The following SLC36A1 variants were observed in gnomAD, a reference collection of about 807,000 sequenced individuals.
SLC36A1 encodes the protein solute carrier family 36 member 1, also known as proton-coupled amino acid transporter 1.
SLC36A1 carries 30 observed loss-of-function variants against 47.5 expected under a neutral mutation model. That is an observed-to-expected ratio of 0.63 (90% CI 0.47 to 0.86). The LOEUF (loss-of-function observed/expected upper bound fraction) is 0.86, where lower values mean the gene tolerates loss of function less well. Among genes scored for constraint, SLC36A1 ranks in the 40% least tolerant of loss-of-function variants. The pLI is 0.00. For synonymous variants in SLC36A1, 255 were observed against 249.7 expected (o/e 1.02, Z -0.20); for missense variants, 517 against 606.0 (o/e 0.85, Z 1.54).
intron 7 of SLC36A1, among the ~76,000 whole-genome samples, chr5:151,468,563 A>G (rs1182442179): frequency 6.6e-6 from 1 of 150,952 alleles, no homozygotes; most frequent in Non-Finnish European, 1.5e-5. Flanking sequence ...ATTCTTTGCT[A>G]TGGGGCTGTC....
At chr5:151,550,597 G>A in the SLC36A1 span, 1 of 1,614,084 alleles carries the variant, frequency 6.2e-7, no homozygotes, top group Non-Finnish European at 8.5e-7. Context: ...CACCATGACT[G>A]TCAGTGTGTG....
chr5:151,553,753 A>C, the SLC36A1 span, among the ~76,000 whole-genome samples: 1 of 152,224 alleles, frequency 6.6e-6, no homozygotes, highest in African/African-American at 2.4e-5. Flanking sequence ...TTGAGCACTC[A>C]CTATTATCAG....
the SLC36A1 span, among the ~76,000 whole-genome samples, chr5:151,383,015 C>T: frequency 3.3e-5 from 5 of 152,164 alleles, no homozygotes; most frequent in South Asian, 6.2e-4. Flanking sequence ...CCACCCACCT[C>T]GGCCTCCCAA....
chr5:151,408,658 A>G, the SLC36A1 span, among the ~76,000 whole-genome samples: 1 of 152,214 alleles, frequency 6.6e-6, no homozygotes, highest in Non-Finnish European at 1.5e-5. Context: ...AAGCATGGAA[A>G]TGCACCTTGA....
At chr5:151,554,791 A>G in the SLC36A1 span, 20 of 799,716 alleles carry the variant, frequency 2.5e-5, no homozygotes, top group Non-Finnish European at 3.3e-5. Flanking sequence ...ACTTTTTATT[A>G]TCATAACTTC....
the SLC36A1 span, among the ~76,000 whole-genome samples, chr5:151,537,013 C>T: frequency 6.6e-6 from 1 of 152,180 alleles, no homozygotes; most frequent in Non-Finnish European, 1.5e-5. Context: ...CTCTCTTACC[C>T]CTGGCTAACA....
At chr5:151,444,590 A>G (rs1481424323), upstream of SLC36A1, among the ~76,000 whole-genome samples, 1 of 152,118 alleles carries the variant, frequency 6.6e-6, no homozygotes, top group Non-Finnish European at 1.5e-5. Flanking sequence ...GGTTCAAACA[A>G]TTCTCCTGCC....
At chr5:151,546,235 T>G in the SLC36A1 span, 1 of 1,614,116 alleles carries the variant, frequency 6.2e-7, no homozygotes, top group African/African-American at 1.3e-5. Context: ...ATCTTCTGCC[T>G]TCACTGTCAG....
chr5:151,444,209 G>A (rs540656540), upstream of SLC36A1, among the ~76,000 whole-genome samples: 6 of 152,232 alleles, frequency 3.9e-5, no homozygotes, highest in South Asian at 2.1e-4. Flanking sequence ...AAAGAATGCC[G>A]TTGGGATTTT....
intron 7 of SLC36A1, among the ~76,000 whole-genome samples, chr5:151,469,825 T>G (rs915409871): frequency 7.9e-5 from 12 of 151,620 alleles, no homozygotes; most frequent in African/African-American, 2.4e-5. Context: ...TATATTAGTA[T>G]TATTTTGGTC....
the SLC36A1 span, among the ~76,000 whole-genome samples, chr5:151,547,826 G>A: frequency 6.6e-6 from 1 of 152,114 alleles, no homozygotes; most frequent in Admixed American, 6.6e-5. Flanking sequence ...AATATGCATA[G>A]GGGAAGATAA....
At chr5:151,436,642 G>A (rs746973431), upstream of SLC36A1, among the ~76,000 whole-genome samples, 1 of 151,976 alleles carries the variant, frequency 6.6e-6, no homozygotes, top group South Asian at 2.1e-4. Context: ...AGTTTCCAAT[G>A]AGTAAAATGA....
At chr5:151,433,241 TATATATATATATATATATATATA>T (rs1561704736), upstream of SLC36A1, among the ~76,000 whole-genome samples, 3 of 11,162 alleles carry the variant, frequency 2.7e-4, no homozygotes, top group Non-Finnish European at 4.3e-4. Flanking sequence ...TATATATATA[TATATATATATATATATATATATA>T]TATTTTTTTT....
the SLC36A1 span, among the ~76,000 whole-genome samples, chr5:151,413,951 C>T: frequency 6.6e-6 from 1 of 151,958 alleles, no homozygotes; most frequent in African/African-American, 2.4e-5. Context: ...TTGTGGCCTG[C>T]CTTAAGTGGC....
the SLC36A1 span, chr5:151,554,253 G>T: frequency 1.0e-6 from 1 of 1,004,002 alleles, no homozygotes; most frequent in Non-Finnish European, 1.5e-6. Context: ...AGGAAGGAGA[G>T]TACCATTTCC....
chr5:151,520,891 T>C, the SLC36A1 span, among the ~76,000 whole-genome samples: 1 of 152,202 alleles, frequency 6.6e-6, no homozygotes, highest in African/African-American at 2.4e-5. Flanking sequence ...ACTTGATACA[T>C]AGTACTGATG....
chr5:151,544,133 A>T, the SLC36A1 span: 5 of 1,614,062 alleles, frequency 3.1e-6, no homozygotes, highest in Non-Finnish European at 4.2e-6. Context: ...TGAACTGTGG[A>T]CATCTCCCCT....
the SLC36A1 span, chr5:151,505,440 C>T: frequency 8.5e-7 from 1 of 1,177,480 alleles, no homozygotes; most frequent in Non-Finnish European, 1.2e-6. Flanking sequence ...CAAGGGACAA[C>T]AGCCTGGGCT....
chr5:151,529,334 G>A, the SLC36A1 span: 2 of 1,614,150 alleles, frequency 1.2e-6, no homozygotes, highest in South Asian at 2.2e-5. Flanking sequence ...TGCACTCAAT[G>A]GACAGGAAGT....
Sources: allele counts gnomAD v4.1 joint callset (sites outside exome capture counted in the v4.1 genomes callset), GRCh38; gene constraint gnomAD v4.1.1; transcripts MANE v1.5; gene names NCBI Gene and HGNC (gene_info 2026-07-23, HGNC 2026-07-21).